The following DGKK variants were observed in gnomAD, a reference collection of about 807,000 sequenced individuals.
The protein encoded by DGKK is 142 kDa diacylglycerol kinase.
Under a neutral mutation model 92.2 loss-of-function variants are expected in DGKK, and 35 were observed. That is an observed-to-expected ratio of 0.38 (90% CI 0.29 to 0.50). DGKK has a LOEUF of 0.50. Among genes scored for constraint, DGKK ranks in the 20% least tolerant of loss-of-function variants. The pLI, the probability that DGKK is intolerant of heterozygous loss-of-function variation, is 0.92. For missense variants in DGKK, 910 were observed against 992.2 expected (o/e 0.92, Z 1.11); for synonymous variants, 368 against 360.6 (o/e 1.02, Z -0.23).
At chrX:50,390,853 C>A (rs1557225461) in intron 11 of DGKK, among the ~76,000 whole-genome samples, 1 of 111,729 alleles carries the variant, frequency 9.0e-6, no homozygotes, top group African/African-American at 3.3e-5. Context: ...GTCTTTTTTT[C>A]CTCAGGAGAT....
At chrX:50,380,294 C>A (rs1557224319) in intron 18 of DGKK, among the ~76,000 whole-genome samples, 1 of 111,184 alleles carries the variant, frequency 9.0e-6, no homozygotes. Context: ...AGTATCCTAT[C>A]AATAAATAAA....
chrX:50,465,484 AGTGG>A (rs1557233877), intron 1 of DGKK, among the ~76,000 whole-genome samples: 3 of 108,633 alleles, frequency 2.8e-5, no homozygotes, highest in African/African-American at 1.0e-4. Flanking sequence ...AAAGAATTAC[AGTGG>A]GTGGGCTTTG....
At chrX:50,371,471 C>G (rs1337074745) in intron 26 of DGKK, among the ~76,000 whole-genome samples, 1 of 111,998 alleles carries the variant, frequency 8.9e-6, no homozygotes, top group Non-Finnish European at 1.9e-5. Flanking sequence ...TCTCTTGTTA[C>G]AGAATGAGCC....
At chrX:50,410,838 C>T (rs1269155945) in intron 4 of DGKK, among the ~76,000 whole-genome samples, 1 of 111,631 alleles carries the variant, frequency 9.0e-6, no homozygotes, top group Non-Finnish European at 1.9e-5. Flanking sequence ...CCTCACATTT[C>T]GGGACCCTTC....
At position 50,368,996 on chromosome X, in the gene DGKK, G is replaced by A. The variant is rs1557222798; in HGVS notation, c.3760C>T (p.Arg1254Cys). The change falls in exon 28 of 28, where the codon CGT (arginine) becomes TGT (cysteine). Residue 1254 changes from arginine to cysteine, a missense_variant. Coordinates refer to ENST00000611977, the MANE Select transcript of DGKK (RefSeq NM_001013742.4). Reference protein sequence around the residue: ...FIGNLWHRRHREDEAEGDDPL... With the variant: ...FIGNLWHRRHCEDEAEGDDPL... ...TCATCACCCTCTGCTTCATCTTCAC[G>A]ATGTCTGCGGTGCCATAAATTGCCT... 3 of 1,206,179 alleles carry A rather than the reference G, an allele frequency of 2.5e-6. No homozygotes were observed. In the African/African-American group the frequency reaches 5.3e-5, roughly 21 times the overall value.
chrX:50,470,097 C>T lies in DGKK; in HGVS notation c.582G>A (p.Lys194=), dbSNP rs782029780. ...CPVDTRERGL[K]TSPSPSPSPS... ...GCGATGGCGATGGCGATGGCGAGGT[C>T]TTTAGACCTCTCTCTCGAGTGTCCA... The change falls in exon 1 of 28, where the codon AAG becomes AAA. Residue 194 remains lysine (K), a synonymous_variant. Transcript: ENST00000611977. The T allele has an allele frequency of 2.5e-6, 3 of 1,211,933 alleles. No individual in the cohort carries two copies. The highest frequency in any genetic ancestry group is 3.5e-5 in the South Asian group (2 of 56,955).
intron 4 of DGKK, among the ~76,000 whole-genome samples, chrX:50,418,761 T>C (rs1205466227): frequency 9.0e-6 from 1 of 111,446 alleles, no homozygotes; most frequent in African/African-American, 3.3e-5. Flanking sequence ...CTTTCTAGTT[T>C]GTGCTGGGTA....
intron 1 of DGKK, among the ~76,000 whole-genome samples, chrX:50,454,999 G>A (rs1557232765): frequency 2.7e-5 from 3 of 111,838 alleles, no homozygotes; most frequent in South Asian, 7.5e-4. Context: ...CAATGTACAC[G>A]TTTTGTCTTT....
chrX:50,451,168 C>G (rs1926485782), intron 1 of DGKK, among the ~76,000 whole-genome samples: 1 of 111,274 alleles, frequency 9.0e-6, no homozygotes, highest in African/African-American at 3.3e-5. Context: ...TGGCACTTCT[C>G]TAGTCCTCTA....
intron 1 of DGKK, among the ~76,000 whole-genome samples, chrX:50,426,222 A>G (rs1377322665): frequency 2.7e-5 from 3 of 111,787 alleles, no homozygotes; most frequent in Non-Finnish European, 5.6e-5. Context: ...TTGGTTGGCT[A>G]CTTTTCCCTT....
At chrX:50,402,098 T>A (rs1244664012) in intron 7 of DGKK, among the ~76,000 whole-genome samples, 20 of 111,396 alleles carry the variant, frequency 1.8e-4, no homozygotes. Flanking sequence ...TTTAGAGGCA[T>A]GGTAGTGTTG....
At chrX:50,390,524 T>G in intron 11 of DGKK, 115 bp from the exon 12 acceptor site, 20 of 540,282 alleles carry the variant, frequency 3.7e-5, no homozygotes, top group Middle Eastern at 3.7e-4. Context: ...GGAGGTGGGT[T>G]GTAGGGGGTG....
At position 50,470,545 on chromosome X, in the gene DGKK, A is replaced by G. The variant is rs782527790; in HGVS notation, c.134T>C (p.Leu45Pro). The G allele has an allele frequency of 9.1e-6, 11 of 1,208,062 alleles. No homozygotes were observed. The Admixed American group carries it at 1.5e-4, about 17-fold the overall frequency. Reference sequence around the variant, plus strand: ...GGGTTCTGGCGAAGCCTCGGAGAGCAGCGGCGGAGCCGGCGGCGGAGCCGG... The same window carrying G: ...GGGTTCTGGCGAAGCCTCGGAGAGCGGCGGCGGAGCCGGCGGCGGAGCCGG... ...PPPAPPPAPP[L>P]LSEASPEPIP... Residue 45 changes from leucine to proline, a missense_variant, in exon 1 of 28, where the codon CTG becomes CCG. By Grantham distance (98) the Leu-to-Pro change is moderately conservative. Transcript: ENST00000611977.
In DGKK at chrX:50,378,123, G is replaced by A. The variant is rs782351624; in HGVS notation, c.3086C>T (p.Ala1029Val). ...CCGATCTCTTGTCAGCATCTGGGCA[G>A]CGTTCTTGTATCTAATTTTGATAAG... ...PGLIKIRYKN[A>V]AQMLTRDRDF... The change falls in exon 22 of 28, where the codon GCT becomes GTT. Residue 1029 changes from alanine (A) to valine (V), a missense_variant. By Grantham distance (64) the Ala-to-Val change is moderately conservative. Coordinates refer to ENST00000611977, the MANE Select transcript of DGKK (RefSeq NM_001013742.4). 5 of 1,210,199 alleles carry A rather than the reference G, an allele frequency of 4.1e-6. No homozygotes were observed. The South Asian group carries it at 8.8e-5, about 21-fold the overall frequency.
chrX:50,385,754 A>C (rs1453373428), intron 15 of DGKK, among the ~76,000 whole-genome samples: 2 of 111,879 alleles, frequency 1.8e-5, no homozygotes, highest in African/African-American at 6.5e-5. Flanking sequence ...CCACCTTCTG[A>C]TCTGTTTCTC....
chrX:50,414,737 GA>G (rs1259838162), intron 4 of DGKK, among the ~76,000 whole-genome samples: 1 of 111,578 alleles, frequency 9.0e-6, no homozygotes, highest in Non-Finnish European at 1.9e-5. Context: ...GAAAAGGTGT[GA>G]AAGACCCACT....
At chrX:50,397,243 T>C (rs1384845426) in intron 8 of DGKK, among the ~76,000 whole-genome samples, 1 of 111,880 alleles carries the variant, frequency 8.9e-6, no homozygotes, top group Non-Finnish European at 1.9e-5. Flanking sequence ...AATATAACCA[T>C]AGTGCCCTAA....
In DGKK at chrX:50,384,187, G is replaced by A. The variant is rs1557224703; in HGVS notation, c.2530C>T (p.His844Tyr). ...ACTTACATAGATTCAGGTGTAAAAT[G>A]TAAGTGATCCAAGTTAAGGTTGTCC... ...DLDNLNLDHL[H>Y]FTPESIRFKE... The change falls in exon 17 of 28, where the codon CAT becomes TAT. Residue 844 changes from histidine (H) to tyrosine (Y), a missense_variant. Physicochemically the swap from His to Tyr is moderately conservative, Grantham distance 83. Coordinates refer to ENST00000611977, the MANE Select transcript of DGKK (RefSeq NM_001013742.4). 8.5e-7 allele frequency: 1 copy of A among 1,173,082 alleles called. No homozygotes were observed. The highest frequency in any genetic ancestry group is 1.1e-6 in the Non-Finnish European group (1 of 871,447).
At chrX:50,389,516 C>T (rs1457128160) in intron 12 of DGKK, among the ~76,000 whole-genome samples, 2 of 111,889 alleles carry the variant, frequency 1.8e-5, no homozygotes, top group African/African-American at 6.5e-5. Context: ...TGATAAAGCA[C>T]GCATAGGAAA....
Sources: allele counts gnomAD v4.1 joint callset (sites outside exome capture counted in the v4.1 genomes callset), GRCh38; gene constraint gnomAD v4.1.1; transcripts MANE v1.5; gene names NCBI Gene and HGNC (gene_info 2026-07-23, HGNC 2026-07-21).